The following FBXO28 variants were observed in gnomAD, a reference collection of about 807,000 sequenced individuals.
FBXO28 encodes the protein F-box only protein 28.
In FBXO28, 8 loss-of-function variants were observed where a neutral mutation model predicts 38.1. That is an observed-to-expected ratio of 0.21 (90% CI 0.12 to 0.38). The LOEUF (loss-of-function observed/expected upper bound fraction) is 0.38. Among genes scored for constraint, FBXO28 ranks in the 10% least tolerant of loss-of-function variants. The probability of loss-of-function intolerance (pLI) is 1.00; values close to 1 mark genes in which losing one functional copy is unlikely to be tolerated. For synonymous variants in FBXO28, 168 were observed against 173.8 expected (o/e 0.97, Z 0.26); for missense variants, 345 against 460.6 (o/e 0.75, Z 2.30).
At chr1:224,151,460 A>G (rs981976684) in intron 3 of FBXO28, among the ~76,000 whole-genome samples, 47 of 152,320 alleles carry the variant, frequency 3.1e-4, no homozygotes, top group African/African-American at 1.1e-3. Context: ...AATGATCATC[A>G]TATTATGCTG....
chr1:224,126,348 A>G (rs72753952), intron 1 of FBXO28, among the ~76,000 whole-genome samples: 19,657 of 152,290 alleles, frequency 0.13, 1,599 homozygotes, highest in East Asian at 0.38. Context: ...TTACAGCAGT[A>G]ATTGACCTTA....
chr1:224,149,608 T>C (rs909212174), intron 3 of FBXO28, among the ~76,000 whole-genome samples: 1 of 139,678 alleles, frequency 7.2e-6, no homozygotes, highest in Middle Eastern at 3.6e-3. Flanking sequence ...CCTTATTTAC[T>C]GAGTATCTGC....
intron 4 of FBXO28, among the ~76,000 whole-genome samples, chr1:224,154,811 C>CAAA (rs35624285): frequency 8.4e-6 from 1 of 118,716 alleles, no homozygotes. Flanking sequence ...GACTCCGTCT[C>CAAA]AAAAAAAAAA....
At chr1:224,147,185 C>G (rs2102630564) in intron 3 of FBXO28, among the ~76,000 whole-genome samples, 1 of 151,518 alleles carries the variant, frequency 6.6e-6, no homozygotes, top group South Asian at 2.1e-4. Context: ...AGCACTTTGG[C>G]AGGCCGAGGC....
Position 224,114,299 on chromosome 1 carries a change from A to C in FBXO28, c.170A>C (p.Gln57Pro), listed in dbSNP as rs570311975. The C allele has an allele frequency of 4.7e-5, 73 of 1,565,910 alleles. No homozygotes were observed. The East Asian group carries it at 1.7e-3, about 36-fold the overall frequency. ...ALPAPALAPD[Q>P]LPQNNTLVAL... is the part of the protein sequence containing the mutation. ...CCAGCCCCCGCGCTGGCTCCGGACC[A>C]GCTGCCTCAAAACAACACGCTTGTG... is the stretch of plus-strand genomic sequence containing the variant. Residue 57 changes from glutamine to proline, a missense_variant, in exon 1 of 5, where the codon CAG (glutamine) becomes CCG (proline). Physicochemically the swap from Gln to Pro is moderately conservative, Grantham distance 76 (BLOSUM62 -1). Transcript: ENST00000366862.
In FBXO28 at chr1:224,139,221, G is replaced by A. The variant is rs553527554; in HGVS notation, c.516+5009G>A. Among the ~76,000 whole-genome samples, 6 of 151,822 alleles carry A rather than the reference G, an allele frequency of 4.0e-5. No individual in the cohort carries two copies. In the East Asian group the frequency reaches 9.6e-4, roughly 24 times the overall value. ...TGAAGCTATATTTCCCTGAACAGACGTAAAAATCTATATATTAGGCATTAT... is the reference window on the plus strand; with the variant it reads ...TGAAGCTATATTTCCCTGAACAGACATAAAAATCTATATATTAGGCATTAT... On this transcript the variant is annotated intron_variant, in intron 3 of 4. Coordinates refer to ENST00000366862, the MANE Select transcript of FBXO28 (RefSeq NM_015176.4).
intron 3 of FBXO28, among the ~76,000 whole-genome samples, chr1:224,143,446 C>A (rs993554702): frequency 3.3e-5 from 5 of 152,080 alleles, no homozygotes; most frequent in Admixed American, 3.3e-4. Context: ...GCATCCTGGC[C>A]AGGGTGGATA....
intron 3 of FBXO28, among the ~76,000 whole-genome samples, chr1:224,150,604 T>C (rs1160843665): frequency 1.3e-5 from 2 of 152,212 alleles, no homozygotes; most frequent in African/African-American, 4.8e-5. Flanking sequence ...ATAAAATTTG[T>C]CTATTTCTAG....
At chr1:224,152,480 C>G (rs767897118) in intron 3 of FBXO28, among the ~76,000 whole-genome samples, 1 of 152,170 alleles carries the variant, frequency 6.6e-6, no homozygotes, top group Non-Finnish European at 1.5e-5. Flanking sequence ...GTGTCTATAG[C>G]AATTTGTATA....
At chr1:224,150,816 CA>C (rs1322043526) in intron 3 of FBXO28, among the ~76,000 whole-genome samples, 2 of 152,188 alleles carry the variant, frequency 1.3e-5, no homozygotes, top group African/African-American at 4.8e-5. Flanking sequence ...GAAACTGTCA[CA>C]TTACCCTCTT....
intron 1 of FBXO28, among the ~76,000 whole-genome samples, chr1:224,127,312 C>T (rs55767444): frequency 0.41 from 62,712 of 151,702 alleles, 14,585 homozygotes; most frequent in Non-Finnish European, 0.52. Flanking sequence ...GCTAATGAAA[C>T]GTGCACTTGT....
chr1:224,128,225 C>CTT (rs5781348), intron 1 of FBXO28, among the ~76,000 whole-genome samples: 1 of 150,168 alleles, frequency 6.7e-6, no homozygotes, highest in Non-Finnish European at 1.5e-5. Flanking sequence ...CTGTCCATGT[C>CTT]TTTTTTTATT....
At chr1:224,129,929 G>T (rs1243302084) in intron 1 of FBXO28, among the ~76,000 whole-genome samples, 2 of 152,104 alleles carry the variant, frequency 1.3e-5, no homozygotes, top group Admixed American at 1.3e-4. Flanking sequence ...GGTGGAGCTT[G>T]CAGTGAGCTA....
intron 3 of FBXO28, among the ~76,000 whole-genome samples, chr1:224,148,814 T>C (rs1386409083): frequency 6.6e-6 from 1 of 151,550 alleles, no homozygotes; most frequent in Non-Finnish European, 1.5e-5. Context: ...TTTAGCCAGG[T>C]GTACCTTCCT....
At chr1:224,119,775 G>T (rs1467371998) in intron 1 of FBXO28, among the ~76,000 whole-genome samples, 3 of 151,696 alleles carry the variant, frequency 2.0e-5, no homozygotes, top group African/African-American at 7.3e-5. Context: ...ATTCCCAGCA[G>T]AAAAAAAACG....
chr1:224,147,498 T>C (rs1007773546), intron 3 of FBXO28, among the ~76,000 whole-genome samples: 2 of 151,932 alleles, frequency 1.3e-5, no homozygotes, highest in Admixed American at 6.6e-5. Context: ...AATAGTACAA[T>C]GTAACTACTA....
In FBXO28 at chr1:224,135,638, AAAAG is replaced by A. The variant is rs1417148925; in HGVS notation, c.516+1430_516+1433del. On this transcript the variant is annotated intron_variant, in intron 3 of 4. Coordinates refer to ENST00000366862, the MANE Select transcript of FBXO28 (RefSeq NM_015176.4). ...AAAAAAAAAAAAAAAAAAAAAAAGA[AAAAG>A]AAAAAGAAAAATTTAGTATCTGGCC... Among the ~76,000 whole-genome samples, 11 of 148,506 alleles carry A rather than the reference AAAAG, an allele frequency of 7.4e-5. No homozygotes were observed. The East Asian group carries it at 1.4e-3, about 19-fold the overall frequency.
At position 224,153,163 on chromosome 1, in the gene FBXO28, G is replaced by T; in HGVS notation, c.538G>T (p.Val180Leu). Residue 180 changes from valine (V) to leucine (L), a missense_variant, in exon 4 of 5, where the codon GTG (valine) becomes TTG (leucine). Physicochemically the swap from Val to Leu is conservative, Grantham distance 32 (BLOSUM62 1). Coordinates refer to ENST00000366862, the MANE Select transcript of FBXO28 (RefSeq NM_015176.4). ...TTAGGTGATTGATGAGATTTATCGT[G>T]TGTTGAGATATGTCAATTCTACCAG... ...PGKVIDEIYR[V>L]LRYVNSTRAP... 1 of 1,603,832 alleles carries T rather than the reference G, an allele frequency of 6.2e-7. No homozygotes were observed. Among genetic ancestry groups the T allele is most frequent in the Non-Finnish European group, 8.5e-7 (1 of 1,177,324 alleles).
At chr1:224,118,693 A>G (rs1168705167) in intron 1 of FBXO28, among the ~76,000 whole-genome samples, 1 of 152,204 alleles carries the variant, frequency 6.6e-6, no homozygotes, top group Non-Finnish European at 1.5e-5. Context: ...ATGAAGGAAA[A>G]TGAAGAACCA....
Sources: allele counts gnomAD v4.1 joint callset (sites outside exome capture counted in the v4.1 genomes callset), GRCh38; gene constraint gnomAD v4.1.1; transcripts MANE v1.5; gene names NCBI Gene and HGNC (gene_info 2026-07-23, HGNC 2026-07-21).